The following TCF7 variants were observed in gnomAD, a reference collection of about 807,000 sequenced individuals.
TCF7 encodes transcription factor 7.
Under a neutral mutation model 46.8 loss-of-function variants are expected in TCF7, and 19 were observed. The observed-to-expected ratio is 0.41, with a 90% CI of 0.28 to 0.60. The LOEUF (loss-of-function observed/expected upper bound fraction) is 0.60. Ranked by LOEUF, TCF7 falls within the 20% of genes least tolerant of loss-of-function variation. The pLI, the probability that TCF7 is intolerant of heterozygous loss-of-function variation, is 0.35. For synonymous variants in TCF7, 245 were observed against 213.4 expected (o/e 1.15, Z -1.29); for missense variants, 547 against 504.6 (o/e 1.08, Z -0.81).
intron 3 of TCF7, among the ~76,000 whole-genome samples, chr5:134,127,099 G>T (rs992856495): frequency 6.6e-6 from 1 of 152,166 alleles, no homozygotes; most frequent in Non-Finnish European, 1.5e-5. Flanking sequence ...GTGTGGAGAT[G>T]GGGGCACTGC....
rs1755767116 is a variant in TCF7, at chr5:134,115,957, A to G, written c.365A>G (p.Tyr122Cys). 6.2e-7 allele frequency: 1 copy of G among 1,613,674 alleles called. No individual in the cohort carries two copies. The highest frequency in any genetic ancestry group is 1.3e-5 in the African/African-American group (1 of 74,842). Residue 122 changes from tyrosine (Y) to cysteine (C), a missense_variant, in exon 3 of 10, where the codon TAC (tyrosine) becomes TGC (cysteine). Tyr to Cys is a radical substitution (Grantham distance 194). This residue lies in a region of TCF7 where 425 missense variants were observed against 349.9 expected (regional missense o/e 1.21). Transcript: ENST00000342854. ...CTSGMYKETV[Y>C]SAFNLLMHYP... ...AGCGGCATGTACAAAGAGACCGTCT[A>G]CTCCGCCTTCAATCTGCTCATGCAT...
At chr5:134,145,114 A>G (rs1204171226) in intron 9 of TCF7, 1 of 639,762 alleles carries the variant, frequency 1.6e-6, no homozygotes, top group East Asian at 3.0e-5. Flanking sequence ...AAGGAAGGAC[A>G]GACTCAAGAA....
chr5:134,117,165 C>G (rs550619196), intron 3 of TCF7, among the ~76,000 whole-genome samples: 1 of 152,362 alleles, frequency 6.6e-6, no homozygotes, highest in East Asian at 1.9e-4. Context: ...GGGCCCTTAT[C>G]TGTAAAATGA....
At chr5:134,113,757 G>A (rs927029425), upstream of TCF7, among the ~76,000 whole-genome samples, 1 of 152,252 alleles carries the variant, frequency 6.6e-6, no homozygotes, top group African/African-American at 2.4e-5. Flanking sequence ...ACTTTCCCGC[G>A]CTCCGCAAAT....
intron 9 of TCF7, chr5:134,145,417 A>C: frequency 9.1e-6 from 5 of 550,596 alleles, no homozygotes; most frequent in East Asian, 4.5e-5. Flanking sequence ...CCCAGGGGGT[A>C]CCCTGGGCTG....
At chr5:134,144,604 A>G (rs952268546) in intron 9 of TCF7, 16 of 578,868 alleles carry the variant, frequency 2.8e-5, no homozygotes, top group South Asian at 1.4e-4. Context: ...ACCTTTCCTG[A>G]TATCTTGGCT....
At chr5:134,138,356 C>T in intron 4 of TCF7, 192 bp downstream of exon 4, 2 of 566,482 alleles carry the variant, frequency 3.5e-6, no homozygotes, top group East Asian at 3.0e-5. Context: ...AAAGGTGGTG[C>T]TAGGTCAAAA....
chr5:134,141,977 CTA>C (rs1370724017), intron 5 of TCF7: 2 of 538,290 alleles, frequency 3.7e-6, no homozygotes, highest in Non-Finnish European at 6.1e-6. Context: ...GAATGGCAAT[CTA>C]TGTAGATTTT....
intron 3 of TCF7, among the ~76,000 whole-genome samples, chr5:134,118,487 T>C (rs1334111430): frequency 1.3e-5 from 2 of 152,134 alleles, no homozygotes; most frequent in Non-Finnish European, 2.9e-5. Flanking sequence ...CATGTGTGGG[T>C]AGGATGCCCA....
At chr5:134,113,063 T>G (rs550043134), upstream of TCF7, among the ~76,000 whole-genome samples, 119 of 152,270 alleles carry the variant, frequency 7.8e-4, no homozygotes, top group Admixed American at 2.2e-3. Flanking sequence ...GGAGTTGAGG[T>G]GGCGGAGGCT....
intron 5 of TCF7, 120 bp downstream of exon 5, chr5:134,139,158 T>C: frequency 1.4e-6 from 2 of 1,452,798 alleles, no homozygotes; most frequent in Non-Finnish European, 1.8e-6. Flanking sequence ...TCTGTTTAGA[T>C]GCCAGGGGCT....
intron 9 of TCF7, chr5:134,145,043 GAGA>G (rs1445743199): frequency 6.1e-6 from 4 of 654,680 alleles, no homozygotes; most frequent in South Asian, 3.4e-5. Context: ...ACAGCGCGTG[GAGA>G]AGACCACTTG....
At chr5:134,144,792 A>G (rs777242167) in intron 9 of TCF7, 5 of 1,613,982 alleles carry the variant, frequency 3.1e-6, no homozygotes, top group Non-Finnish European at 4.2e-6. Flanking sequence ...CATGGCTGTG[A>G]GCAGACCCTG....
intron 3 of TCF7, among the ~76,000 whole-genome samples, chr5:134,135,833 C>T (rs1311086451): frequency 6.6e-6 from 1 of 152,172 alleles, no homozygotes; most frequent in Non-Finnish European, 1.5e-5. Flanking sequence ...GAAACAAGGT[C>T]AGGAAGGAGT....
rs1323937257 is a variant in TCF7, at chr5:134,115,366, C to T, written c.295C>T (p.Leu99Phe). 1 of 1,602,808 alleles carries T rather than the reference C, an allele frequency of 6.2e-7. No homozygotes were observed. Among genetic ancestry groups the T allele is most frequent in the Admixed American group, 1.7e-5 (1 of 59,206 alleles). Reference protein sequence around the residue: ...HAAQRLFPDKLPEPLEDGLKA... With the variant: ...HAAQRLFPDKFPEPLEDGLKA... ...TGCGCAGAGACTCTTCCCGGACAAACTTCCAGAGCCCCTGGAGGACGGTGA... is the reference window on the plus strand; with the variant it reads ...TGCGCAGAGACTCTTCCCGGACAAATTTCCAGAGCCCCTGGAGGACGGTGA... Residue 99 changes from leucine (L) to phenylalanine (F), a missense_variant, in exon 2 of 10, where the codon CTT (leucine) becomes TTT (phenylalanine). Physicochemically the swap from Leu to Phe is conservative, Grantham distance 22. This residue lies in a region of TCF7 where 425 missense variants were observed against 349.9 expected (regional missense o/e 1.21). Coordinates refer to ENST00000342854, the MANE Select transcript of TCF7 (RefSeq NM_003202.5).
At chr5:134,110,380 C>A (rs1755313433), upstream of TCF7, among the ~76,000 whole-genome samples, 1 of 152,208 alleles carries the variant, frequency 6.6e-6, no homozygotes, top group Admixed American at 6.5e-5. Flanking sequence ...CCCCTTGCTT[C>A]ATTTTAAGGG....
chr5:134,126,729 T>C (rs2149303264), intron 3 of TCF7, among the ~76,000 whole-genome samples: 1 of 152,110 alleles, frequency 6.6e-6, no homozygotes, highest in East Asian at 1.9e-4. Context: ...AAACCCCGTC[T>C]CTACTAAAAA....
intron 8 of TCF7, 125 bp downstream of exon 8, chr5:134,143,225 G>A: frequency 9.5e-7 from 1 of 1,057,066 alleles, no homozygotes; most frequent in South Asian, 1.4e-5. Context: ...GAAGGGCACG[G>A]AGGGTCCAAG....
At chr5:134,144,747 G>C in intron 9 of TCF7, 1 of 1,448,806 alleles carries the variant, frequency 6.9e-7, no homozygotes, top group South Asian at 1.1e-5. Context: ...CTGCCCCGCT[G>C]CCTGCTCGCC....
Sources: gnomAD v4.1 joint callset for allele counts (sites outside exome capture counted in the v4.1 genomes callset) on GRCh38, gnomAD v4.1.1 for gene constraint, gnomAD v4.1.1 regional missense constraint, MANE v1.5 for transcripts, NCBI Gene and HGNC (gene_info 2026-07-23, HGNC 2026-07-21) for gene names.